The following PAK5 variants were observed in gnomAD, a reference collection of about 807,000 sequenced individuals.
PAK5 encodes p21 (RAC1) activated kinase 5, also known as serine/threonine-protein kinase PAK 5.
A neutral mutation model predicts 65.9 loss-of-function variants in PAK5; 16 were observed. The ratio of observed to expected loss-of-function variants is 0.24; its 90% CI spans 0.16 to 0.37. The LOEUF is 0.37. Among genes scored for constraint, PAK5 ranks in the 10% least tolerant of loss-of-function variants. PAK5 has a pLI of 1.00. For synonymous variants in PAK5, 371 were observed against 354.9 expected, an observed-to-expected ratio of 1.05 and a Z score of -0.51; for missense variants, 785 against 903.9, an observed-to-expected ratio of 0.87 and a Z score of 1.69.
At chr20:9,570,051 T>C (rs908984641) in intron 4 of PAK5, among the ~76,000 whole-genome samples, 1 of 146,228 alleles carries the variant, frequency 6.8e-6, no homozygotes, top group African/African-American at 2.7e-5. Context: ...CTGACTCTGA[T>C]AATTTTAGTC....
At chr20:9,739,751 G>A (rs1600309561) in intron 1 of PAK5, among the ~76,000 whole-genome samples, 1 of 152,058 alleles carries the variant, frequency 6.6e-6, no homozygotes, top group African/African-American at 2.4e-5. Context: ...AAGACTGACT[G>A]GAGGATAGAA....
chr20:9,618,031 A>ACGCTG lies in PAK5; in HGVS notation c.204+26093_204+26094insCAGCG, dbSNP rs563538562. Among the ~76,000 whole-genome samples the ACGCTG allele has an allele frequency of 1.0e-3, 154 of 152,328 alleles. 1 individual carries two copies. The highest frequency in any genetic ancestry group is 3.5e-3 in the African/African-American group (147 of 41,568). On this transcript the variant is annotated intron_variant, in intron 3 of 9. Transcript: ENST00000353224. ...GGTCGAACCTATCAAAAGAAACGCT[A>ACGCTG]CAACGAATTAACATTCAGTGGAGGT...
intron 4 of PAK5, among the ~76,000 whole-genome samples, chr20:9,578,437 TA>T (rs1361538108): frequency 1.3e-5 from 2 of 152,188 alleles, no homozygotes; most frequent in Non-Finnish European, 2.9e-5. Context: ...GCCCACCCAA[TA>T]TTCATTTCCA....
chr20:9,771,760 A>T (rs6056855), intron 1 of PAK5, among the ~76,000 whole-genome samples: 1 of 151,848 alleles, frequency 6.6e-6, no homozygotes, highest in Non-Finnish European at 1.5e-5. Context: ...TATTGCCATC[A>T]AGGAACAGTG....
At chr20:9,756,627 A>G (rs1311606836) in intron 1 of PAK5, among the ~76,000 whole-genome samples, 4 of 152,180 alleles carry the variant, frequency 2.6e-5, no homozygotes, top group Admixed American at 2.6e-4. Flanking sequence ...TACATGTTAA[A>G]ATGGTATTTT....
chr20:9,734,316 G>C (rs541515669), intron 1 of PAK5, among the ~76,000 whole-genome samples: 1 of 152,148 alleles, frequency 6.6e-6, no homozygotes, highest in Non-Finnish European at 1.5e-5. Context: ...AAGTCAAAGA[G>C]CTAGGATGGC....
chr20:9,542,806 C>A (rs6118642), intron 8 of PAK5, 86 bp from the exon 9 acceptor site: 1 of 1,187,468 alleles, frequency 8.4e-7, no homozygotes, highest in Non-Finnish European at 1.2e-6. Flanking sequence ...TACTCATTCA[C>A]AAGTGACTAT....
chr20:9,648,347 A>G (rs186928799), intron 2 of PAK5, among the ~76,000 whole-genome samples: 15 of 152,348 alleles, frequency 9.8e-5, no homozygotes, highest in East Asian at 7.7e-4. Flanking sequence ...GTAAAAAGCC[A>G]TCTACTGGGG....
At chr20:9,689,199 C>G (rs375140144) in intron 2 of PAK5, among the ~76,000 whole-genome samples, 1 of 152,206 alleles carries the variant, frequency 6.6e-6, no homozygotes, top group African/African-American at 2.4e-5. Context: ...GCTCTGCAAA[C>G]TCCCCTCTGC....
chr20:9,723,477 G>A (rs532213535), intron 1 of PAK5, among the ~76,000 whole-genome samples: 17 of 152,142 alleles, frequency 1.1e-4, no homozygotes, highest in East Asian at 9.6e-4. Context: ...AATAAAATAC[G>A]GCCTCAATTC....
intron 1 of PAK5, among the ~76,000 whole-genome samples, chr20:9,721,529 T>C (rs1822341908): frequency 6.6e-6 from 1 of 151,694 alleles, no homozygotes; most frequent in South Asian, 2.1e-4. Context: ...GGCTCGCACC[T>C]GTAATCTCAG....
chr20:9,580,425 G>C lies in PAK5; in HGVS notation c.710C>G (p.Ser237Cys). The C allele has an allele frequency of 6.2e-7, 1 of 1,614,100 alleles. No homozygotes were observed. The highest frequency in any genetic ancestry group is 1.1e-5 in the South Asian group (1 of 91,080). The stretch of plus-strand genomic sequence containing the variant: ...GCACCCGCTGGTCCCTGCAGTTCTA[G>C]AAGGTGTGAATTGGAATGAATAATC... ...PLDYSFQFTPSRTAGTSGCSK... is the reference protein window; with the variant it reads ...PLDYSFQFTPCRTAGTSGCSK... The change falls in exon 4 of 10, where the codon TCT becomes TGT. Residue 237 changes from serine (S) to cysteine (C), a missense_variant. Ser to Cys is a moderately radical substitution (Grantham distance 112). Transcript: ENST00000353224.
At chr20:9,541,908 T>C (rs888433877) in intron 9 of PAK5, among the ~76,000 whole-genome samples, 3 of 152,312 alleles carry the variant, frequency 2.0e-5, no homozygotes, top group Admixed American at 1.3e-4. Flanking sequence ...CCTGCCACCA[T>C]GTAAGACATG....
At chr20:9,673,474 A>T (rs958776504) in intron 2 of PAK5, among the ~76,000 whole-genome samples, 2 of 152,224 alleles carry the variant, frequency 1.3e-5, no homozygotes, top group Non-Finnish European at 2.9e-5. Context: ...GTTAATTTTT[A>T]AAATTATATT....
intron 3 of PAK5, among the ~76,000 whole-genome samples, chr20:9,609,045 A>G (rs1600135637): frequency 6.6e-6 from 1 of 152,062 alleles, no homozygotes; most frequent in Admixed American, 6.6e-5. Context: ...TATGAATTCA[A>G]CCCCCTGGTG....
chr20:9,799,887 G>T (rs1343366111), intron 1 of PAK5, among the ~76,000 whole-genome samples: 2 of 122,874 alleles, frequency 1.6e-5, no homozygotes, highest in East Asian at 5.2e-4. Context: ...GTTGTTGTGA[G>T]CCAAGACCAC....
At chr20:9,812,302 T>C (rs1600400665) in intron 1 of PAK5, among the ~76,000 whole-genome samples, 1 of 150,252 alleles carries the variant, frequency 6.7e-6, no homozygotes. Context: ...AAAAAAACGA[T>C]GTTTAAAATC....
intron 1 of PAK5, among the ~76,000 whole-genome samples, chr20:9,828,151 A>G (rs1402775251): frequency 6.6e-6 from 1 of 152,128 alleles, no homozygotes; most frequent in Non-Finnish European, 1.5e-5. Context: ...CAATTTAGAT[A>G]CTGCTTGGCT....
intron 3 of PAK5, among the ~76,000 whole-genome samples, chr20:9,635,865 T>C (rs2046977253): frequency 6.6e-6 from 1 of 152,148 alleles, no homozygotes. Flanking sequence ...AAGAGACCTG[T>C]TAAGGGAGCC....
Sources: gnomAD v4.1 joint callset for allele counts (sites outside exome capture counted in the v4.1 genomes callset) on GRCh38, gnomAD v4.1.1 for gene constraint, MANE v1.5 for transcripts, NCBI Gene and HGNC (gene_info 2026-07-23, HGNC 2026-07-21) for gene names.